Variants in PLEKHH1 observed in about 807,000 individuals in gnomAD.
PLEKHH1 encodes pleckstrin homology, MyTH4 and FERM domain containing H1, also known as pleckstrin homology domain-containing family H member 1.
In PLEKHH1, 104 loss-of-function variants were observed where a neutral mutation model predicts 160.0. The observed-to-expected ratio is 0.65, with a 90% confidence interval of 0.55 to 0.76. The LOEUF (loss-of-function observed/expected upper bound fraction) is 0.76, where lower values mean the gene tolerates loss of function less well. Among genes scored for constraint, PLEKHH1 ranks in the 30% least tolerant of loss-of-function variants. PLEKHH1 has a pLI of 0.00. For missense variants in PLEKHH1, 1,427 were observed against 1,724.1 expected (o/e 0.83, Z 3.05); for synonymous variants, 619 against 678.4 (o/e 0.91, Z 1.36).
At chr14:67,579,905 C>T in intron 22 of PLEKHH1, 29 bp downstream of exon 22, 1 of 1,567,366 alleles carries the variant, frequency 6.4e-7, no homozygotes, top group South Asian at 1.2e-5. Flanking sequence ...GCCAGCTGAG[C>T]CCCTCCCTGC....
chr14:67,564,534 T>C (rs1202148175), intron 7 of PLEKHH1, among the ~76,000 whole-genome samples: 2 of 152,150 alleles, frequency 1.3e-5, no homozygotes, highest in Non-Finnish European at 2.9e-5. Flanking sequence ...ATTGGCTCAC[T>C]GCAACCTCTG....
intron 4 of PLEKHH1, 23 bp from the exon 5 acceptor site, chr14:67,559,585 G>A (rs746660135): frequency 2.8e-5 from 42 of 1,523,754 alleles, no homozygotes; most frequent in East Asian, 7.1e-5. Context: ...TGGGATTAAC[G>A]GAAGGCCCTC....
At position 67,584,712 on chromosome 14, in the gene PLEKHH1, G is replaced by T. The variant is rs370199584; in HGVS notation, c.3699+588G>T. 2.6e-5 allele frequency among the ~76,000 whole-genome samples: 4 copies of T among 152,206 alleles called. No homozygotes were observed. In the East Asian group the frequency reaches 5.8e-4, roughly 22 times the overall value. On this transcript the variant is annotated intron_variant, in intron 26 of 28. Coordinates refer to ENST00000329153, the MANE Select transcript of PLEKHH1 (RefSeq NM_020715.3). The stretch of plus-strand genomic sequence containing the variant: ...TGAGCTCCTACTATGTCCAGTGCTG[G>T]TTGTTTGAGGTTATAAGAAGTGAGA...
rs2034882497 is a variant in PLEKHH1, at chr14:67,562,411, AAG to A, written c.787_788del (p.Ser263ProfsTer15). On this transcript the variant is annotated frameshift_variant, in exon 7 of 29. Transcript: ENST00000329153. LOFTEE classifies it high-confidence loss of function. The stretch of plus-strand genomic sequence containing the variant: ...CCAAGCCCCTTCAACCTCATCTGGG[AAG>A]AGAGAGCCCTCCCCACCAGCCATGC... The part of the protein sequence containing the change: ...EAKPLQPHLG[R>X]ESPPHQPCMK... 1.9e-6 allele frequency: 3 copies of A among 1,613,736 alleles called. No individual in the cohort carries two copies. The highest frequency in any genetic ancestry group is 2.7e-5 in the African/African-American group (2 of 74,926).
intron 18 of PLEKHH1, 88 bp downstream of exon 18, chr14:67,577,502 A>C: frequency 1.2e-6 from 1 of 826,342 alleles, no homozygotes. Flanking sequence ...CAACCCACAG[A>C]GGGATCTGGA....
Position 67,583,888 on chromosome 14 carries a change from G to A in PLEKHH1, c.3569+5G>A, listed in dbSNP as rs2036022475. 3 of 1,613,462 alleles carry A rather than the reference G, an allele frequency of 1.9e-6. No individual in the cohort carries two copies. The highest frequency in any genetic ancestry group is 2.5e-6 in the Non-Finnish European group (3 of 1,179,616). Reference sequence around the variant, plus strand: ...GGCCCCCGCTGAACAGCTGAGGTAGGTAGGCTACAAGGTCTTGCAGCAAGT... The same window carrying A: ...GGCCCCCGCTGAACAGCTGAGGTAGATAGGCTACAAGGTCTTGCAGCAAGT... On this transcript the variant is annotated splice_donor_5th_base_variant and intron_variant, in intron 25 of 28. Coordinates refer to ENST00000329153, the MANE Select transcript of PLEKHH1 (RefSeq NM_020715.3).
At chr14:67,577,940 G>T in intron 18 of PLEKHH1, 83 bp from the exon 19 acceptor site, 3 of 1,284,122 alleles carry the variant, frequency 2.3e-6, no homozygotes, top group Admixed American at 1.9e-5. Flanking sequence ...CCTCCCTGGA[G>T]CCCTTGGAAA....
At position 67,562,881 on chromosome 14, in the gene PLEKHH1, A is replaced by T. The variant is rs770831709; in HGVS notation, c.1250A>T (p.Gln417Leu). The change falls in exon 7 of 29, where the codon CAG (glutamine) becomes CTG (leucine). Residue 417 changes from glutamine (Q) to leucine (L), a missense_variant. Physicochemically the swap from Gln to Leu is moderately radical, Grantham distance 113 (BLOSUM62 -2). Transcript: ENST00000329153. ...AAGCCACCTACACCCCCGCTGCACC[A>T]GTTTTCATCCTGGGTAAGAGGCAAC... ...GNKPPTPPLH[Q>L]FSSWESRIYA... 1.2e-6 allele frequency: 2 copies of T among 1,612,510 alleles called. No individual in the cohort carries two copies. Among genetic ancestry groups the T allele is most frequent in the Non-Finnish European group, 1.7e-6 (2 of 1,179,518 alleles).
chr14:67,575,479 C>G lies in PLEKHH1; in HGVS notation c.2169+7C>G. On this transcript the variant is annotated splice_region_variant and intron_variant, in intron 15 of 28. Coordinates refer to ENST00000329153, the MANE Select transcript of PLEKHH1 (RefSeq NM_020715.3). ...TCGGAGCCATGAGGACAAGGTACTTCTCAGCCTCCTCACAATACCCACTCT... is the reference window on the plus strand; with the variant it reads ...TCGGAGCCATGAGGACAAGGTACTTGTCAGCCTCCTCACAATACCCACTCT... 1.3e-6 allele frequency: 2 copies of G among 1,556,666 alleles called. No homozygotes were observed. Among genetic ancestry groups the G allele is most frequent in the South Asian group, 2.3e-5 (2 of 86,316 alleles).
intron 11 of PLEKHH1, 29 bp downstream of exon 11, chr14:67,572,306 T>G (rs1472335722): frequency 6.4e-7 from 1 of 1,553,560 alleles, no homozygotes; most frequent in East Asian, 2.4e-5. Flanking sequence ...GGGGGCAGGG[T>G]GGAAGCAGAA....
At position 67,562,802 on chromosome 14, in the gene PLEKHH1, A is replaced by G; in HGVS notation, c.1171A>G (p.Arg391Gly). ...EPPPAGKNEE[R>G]ESPKALGAEL... ...ACCCCCAGCAGGGAAGAATGAGGAA[A>G]GAGAGAGCCCAAAGGCCCTTGGAGC... Residue 391 changes from arginine to glycine, a missense_variant, in exon 7 of 29, where the codon AGA (arginine) becomes GGA (glycine). By Grantham distance (125) the Arg-to-Gly change is moderately radical (BLOSUM62 -2). Coordinates refer to ENST00000329153, the MANE Select transcript of PLEKHH1 (RefSeq NM_020715.3). 6.2e-7 allele frequency: 1 copy of G among 1,613,812 alleles called. No homozygotes were observed. The highest frequency in any genetic ancestry group is 1.1e-5 in the South Asian group (1 of 91,056).
In PLEKHH1 at chr14:67,571,775, G is replaced by A. The variant is rs770883097; in HGVS notation, c.1458G>A (p.Met486Ile). 1.7e-5 allele frequency: 27 copies of A among 1,613,858 alleles called. No individual in the cohort carries two copies. In the East Asian group the frequency reaches 2.7e-4, roughly 16 times the overall value. The change falls in exon 10 of 29, where the codon ATG (methionine) becomes ATA (isoleucine). Residue 486 changes from methionine to isoleucine, a missense_variant. Physicochemically the swap from Met to Ile is conservative, Grantham distance 10. Coordinates refer to ENST00000329153, the MANE Select transcript of PLEKHH1 (RefSeq NM_020715.3). The part of the protein sequence containing the change: ...LKGRATQISN[M>I]PFMDESSGSD... Reference sequence around the variant, plus strand: ...AGAGAGCTACACAGATCAGCAACATGCCCTTTATGGACGAGTCCTCTGGGT... The same window carrying A: ...AGAGAGCTACACAGATCAGCAACATACCCTTTATGGACGAGTCCTCTGGGT...
chr14:67,579,326 G>A lies in PLEKHH1; in HGVS notation c.3027+15G>A, dbSNP rs188223864. On this transcript the variant is annotated intron_variant, in intron 21 of 28. Coordinates refer to ENST00000329153, the MANE Select transcript of PLEKHH1 (RefSeq NM_020715.3). ...GGACTTACCATGTGAGGAGCTGGGC[G>A]TGCTCTTTGCCCCGAGTCTTCTCAC... is the stretch of plus-strand genomic sequence containing the variant. The A allele has an allele frequency of 3.4e-5, 51 of 1,483,678 alleles. 1 individual carries two copies. In the Admixed American group the frequency reaches 6.0e-4, roughly 17 times the overall value. The allele number at this position is 1,483,678 out of a possible 1,614,324, so 91.9% of individuals were successfully genotyped here. A position where few individuals can be genotyped will look rare whatever the true frequency, so the allele number is the denominator to read the frequency against.
rs753360085 is a variant in PLEKHH1 at position 67,573,034 on chromosome 14, A to G, written c.1729-242A>G. 2.0e-5 allele frequency among the ~76,000 whole-genome samples: 3 copies of G among 152,082 alleles called. No homozygotes were observed. The highest frequency in any genetic ancestry group is 3.9e-4 in the East Asian group (2 of 5,194). ...GCAGCCCCTGCTCTGCTACCTTCTC[A>G]TAGTGAGGTCTTCCCCAGCTAGCAT... On this transcript the variant is annotated intron_variant, in intron 11 of 28. Coordinates refer to ENST00000329153, the MANE Select transcript of PLEKHH1 (RefSeq NM_020715.3). This position sits in a 1 kb window ranked among gnomAD's most constrained non-coding sequence, Gnocchi z 4.8.
intron 24 of PLEKHH1, among the ~76,000 whole-genome samples, chr14:67,583,071 A>G (rs1242415317): frequency 6.6e-6 from 1 of 152,192 alleles, no homozygotes; most frequent in Non-Finnish European, 1.5e-5. Context: ...CATGACTCCC[A>G]TAAGAGAGTC....
In PLEKHH1 at chr14:67,569,946, C is replaced by G. The variant is rs1280363412; in HGVS notation, c.1368C>G (p.Ser456=). 6.2e-7 allele frequency: 1 copy of G among 1,610,026 alleles called. No homozygotes were observed. The highest frequency in any genetic ancestry group is 8.5e-7 in the Non-Finnish European group (1 of 1,177,890). Residue 456 remains serine (S), a synonymous_variant, in exon 9 of 29, where the codon TCC becomes TCG. Transcript: ENST00000329153. ...CTTCAAGCCCTCCTGCCCTTGTTTC[C>G]CCTGGGTCTTTCTCTGGCCTGGTCT... ...CCASSPPALV[S]PGSFSGLVYK...
rs1312785433 is a variant in PLEKHH1, at chr14:67,576,800, G to A, written c.2461+297G>A. On this transcript the variant is annotated intron_variant, in intron 17 of 28. Transcript: ENST00000329153. The surrounding 1 kb of genome is among the most constrained non-coding windows in gnomAD (Gnocchi z 4.0). ...GCTGGGCAGAGGGCTGAGGAAAGAA[G>A]GTAGCTGGTTAATCTATAGTTAGAG... Among the ~76,000 whole-genome samples the A allele has an allele frequency of 6.6e-6, 1 of 152,192 alleles. No individual in the cohort carries two copies. Among genetic ancestry groups the A allele is most frequent in the Non-Finnish European group, 1.5e-5 (1 of 68,038 alleles).
At chr14:67,543,232 T>C (rs1387639210) in intron 2 of PLEKHH1, among the ~76,000 whole-genome samples, 1 of 152,224 alleles carries the variant, frequency 6.6e-6, no homozygotes, top group Non-Finnish European at 1.5e-5. Context: ...AAAGCCCAAA[T>C]GGATGACCTG....
In PLEKHH1 at chr14:67,575,863, A is replaced by G; in HGVS notation, c.2210A>G (p.Glu737Gly). The change falls in exon 16 of 29, where the codon GAG (glutamate) becomes GGG (glycine). Residue 737 changes from glutamate to glycine, a missense_variant. Glu to Gly is a moderately conservative substitution (Grantham distance 98, BLOSUM62 -2). Coordinates refer to ENST00000329153, the MANE Select transcript of PLEKHH1 (RefSeq NM_020715.3). ...GCLPVRDAHIEEVDRSCDSDE... is the reference protein window; with the variant it reads ...GCLPVRDAHIGEVDRSCDSDE... ...CTGCCTGTGCGGGATGCGCACATAG[A>G]GGAAGTAGATCGATCCTGTGACTCA... 6.2e-7 allele frequency: 1 copy of G among 1,613,948 alleles called. No individual in the cohort carries two copies. Among genetic ancestry groups the G allele is most frequent in the Non-Finnish European group, 8.5e-7 (1 of 1,179,848 alleles).
Sources: allele counts gnomAD v4.1 joint callset (sites outside exome capture counted in the v4.1 genomes callset), GRCh38; gene constraint gnomAD v4.1.1; non-coding constraint Gnocchi (gnomAD v3.1); transcripts MANE v1.5; gene names NCBI Gene and HGNC (gene_info 2026-07-23, HGNC 2026-07-21).